The following CSMD1 variants were observed in gnomAD, a reference collection of about 807,000 sequenced individuals.
The protein encoded by CSMD1 is CUB and sushi domain-containing protein 1.
In CSMD1, 213 loss-of-function variants were observed where a neutral mutation model predicts 417.5. The observed-to-expected ratio is 0.51, with a 90% CI of 0.46 to 0.57. The LOEUF is 0.57. Among genes scored for constraint, CSMD1 ranks in the 20% least tolerant of loss-of-function variants. The pLI, the probability that CSMD1 is intolerant of heterozygous loss-of-function variation, is 0.00. For synonymous variants in CSMD1, 2,862 were observed against 1,736.8 expected (o/e 1.65, Z -16.11); for missense variants, 6,923 against 4,529.7 (o/e 1.53, Z -15.17).
chr8:4,832,581 T>C (rs1800218113), intron 1 of CSMD1, among the ~76,000 whole-genome samples: 1 of 152,188 alleles, frequency 6.6e-6, no homozygotes, highest in Admixed American at 6.5e-5. Flanking sequence ...TGTCTGCTTG[T>C]GGTTAAAATT....
At chr8:4,760,252 G>C (rs1811955690) in intron 1 of CSMD1, among the ~76,000 whole-genome samples, 1 of 152,134 alleles carries the variant, frequency 6.6e-6, no homozygotes, top group South Asian at 2.1e-4. Context: ...AGTACTATTT[G>C]CTTAAAAAGG....
intron 26 of CSMD1, among the ~76,000 whole-genome samples, chr8:3,247,541 C>T (rs567841799): frequency 1.3e-5 from 2 of 152,328 alleles, no homozygotes; most frequent in South Asian, 2.1e-4. Context: ...TCCATCTGGG[C>T]CAGGATGCCA....
intron 4 of CSMD1, among the ~76,000 whole-genome samples, chr8:4,023,870 G>C (rs996405500): frequency 7.0e-6 from 1 of 143,706 alleles, no homozygotes; most frequent in Non-Finnish European, 1.5e-5. Flanking sequence ...GCCCGCCTTG[G>C]CCTCCCAAAG....
chr8:4,747,090 G>C (rs771746439), intron 1 of CSMD1, among the ~76,000 whole-genome samples: 7 of 152,282 alleles, frequency 4.6e-5, no homozygotes, highest in Admixed American at 1.3e-4. Context: ...CTGCCTGCAC[G>C]ACACAGGAAT....
intron 3 of CSMD1, among the ~76,000 whole-genome samples, chr8:4,176,265 T>C (rs576502656): frequency 6.6e-6 from 1 of 152,108 alleles, no homozygotes; most frequent in Non-Finnish European, 1.5e-5. Context: ...TAGATTAGAC[T>C]GCAAAAAATG....
At chr8:3,377,823 C>G (rs1810403670) in intron 18 of CSMD1, among the ~76,000 whole-genome samples, 2 of 152,210 alleles carry the variant, frequency 1.3e-5, no homozygotes, top group East Asian at 3.9e-4. Context: ...TAAAATCAAA[C>G]TGAACTGACT....
At chr8:3,435,505 CCCACTCTGTCCACCTCT>C (rs1217254351) in intron 12 of CSMD1, among the ~76,000 whole-genome samples, 5 of 152,078 alleles carry the variant, frequency 3.3e-5, no homozygotes, top group African/African-American at 9.7e-5. Context: ...ATTCCTGAAG[CCCACTCTGTCCACCTCT>C]CCACTCTGTC....
intron 4 of CSMD1, among the ~76,000 whole-genome samples, chr8:4,028,017 G>C (rs1190056179): frequency 6.6e-6 from 1 of 152,116 alleles, no homozygotes; most frequent in Non-Finnish European, 1.5e-5. Context: ...ACAGTCTGTG[G>C]AAAGCAGATG....
intron 3 of CSMD1, among the ~76,000 whole-genome samples, chr8:4,341,922 T>C (rs906214841): frequency 1.3e-5 from 2 of 152,080 alleles, no homozygotes; most frequent in Non-Finnish European, 2.9e-5. Context: ...GTACTTAGAA[T>C]TAGTACTATG....
intron 3 of CSMD1, among the ~76,000 whole-genome samples, chr8:4,252,828 G>T (rs771993601): frequency 6.6e-6 from 1 of 152,326 alleles, no homozygotes; most frequent in Admixed American, 6.5e-5. Context: ...ATGCACCAGT[G>T]ATGACTGGAG....
chr8:4,882,984 C>G (rs1052768271), intron 1 of CSMD1, among the ~76,000 whole-genome samples: 2 of 152,012 alleles, frequency 1.3e-5, no homozygotes, highest in South Asian at 2.1e-4. Context: ...ACTGCCAAGA[C>G]AGAAGAGAAA....
At chr8:3,703,853 C>A (rs1801011889) in intron 7 of CSMD1, among the ~76,000 whole-genome samples, 1 of 152,118 alleles carries the variant, frequency 6.6e-6, no homozygotes, top group African/African-American at 2.4e-5. Context: ...GGAAGATCAC[C>A]TGAGGTCAGG....
At chr8:3,995,395 A>G (rs1382064179) in intron 5 of CSMD1, among the ~76,000 whole-genome samples, 1 of 152,160 alleles carries the variant, frequency 6.6e-6, no homozygotes, top group Non-Finnish European at 1.5e-5. Flanking sequence ...CACTCTGTTG[A>G]CCCACGACAT....
At chr8:4,658,374 C>T (rs77690085) in intron 1 of CSMD1, among the ~76,000 whole-genome samples, 3 of 152,004 alleles carry the variant, frequency 2.0e-5, no homozygotes, top group Non-Finnish European at 4.4e-5. Context: ...TTATTATACA[C>T]AACAGATCCT....
intron 49 of CSMD1, among the ~76,000 whole-genome samples, chr8:3,086,157 T>C (rs1000819460): frequency 4.6e-5 from 7 of 152,144 alleles, no homozygotes; most frequent in African/African-American, 1.7e-4. Flanking sequence ...AAATGAGAAA[T>C]ATATCTTCTT....
At chr8:4,342,856 C>T (rs1474146317) in intron 3 of CSMD1, among the ~76,000 whole-genome samples, 3 of 152,046 alleles carry the variant, frequency 2.0e-5, no homozygotes, top group Admixed American at 6.6e-5. Context: ...ACCCTAGATA[C>T]ACCAAAGGCC....
intron 23 of CSMD1, among the ~76,000 whole-genome samples, chr8:3,315,250 G>C (rs1345521220): frequency 2.6e-5 from 4 of 152,048 alleles, no homozygotes; most frequent in African/African-American, 9.7e-5. Flanking sequence ...ACTCTATTTG[G>C]ATTCATCTGA....
intron 4 of CSMD1, among the ~76,000 whole-genome samples, chr8:4,021,943 T>TG (rs1201163332): frequency 6.6e-6 from 1 of 151,912 alleles, no homozygotes; most frequent in Non-Finnish European, 1.5e-5. Context: ...TTGATCTTTA[T>TG]TTTTTTCAAC....
chr8:3,581,772 G>A (rs1800392822), intron 9 of CSMD1, among the ~76,000 whole-genome samples: 1 of 152,140 alleles, frequency 6.6e-6, no homozygotes, highest in Admixed American at 6.6e-5. Flanking sequence ...GAATGAATCA[G>A]GAAAATTCAA....
Sources: gnomAD v4.1 joint callset for allele counts (sites outside exome capture counted in the v4.1 genomes callset) on GRCh38, gnomAD v4.1.1 for gene constraint, MANE v1.5 for transcripts, NCBI Gene and HGNC (gene_info 2026-07-23, HGNC 2026-07-21) for gene names.